The following LRRC61 variants were observed in gnomAD, a reference collection of about 807,000 sequenced individuals.
LRRC61 encodes leucine-rich repeat-containing protein 61.
Under a neutral mutation model 15.1 loss-of-function variants are expected in LRRC61, and 9 were observed. That is an observed-to-expected ratio of 0.60 (90% confidence interval 0.36 to 1.04). The LOEUF is 1.04. Ranked by LOEUF, LRRC61 falls within the 50% of genes least tolerant of loss-of-function variation. The probability of loss-of-function intolerance (pLI) is 0.01; values close to 1 mark genes in which losing one functional copy is unlikely to be tolerated. For synonymous variants in LRRC61, 173 were observed against 158.6 expected (o/e 1.09, Z -0.68); for missense variants, 344 against 335.6 (o/e 1.03, Z -0.20).
intron 2 of LRRC61, chr7:150,331,020 G>C: frequency 6.2e-7 from 1 of 1,611,660 alleles, no homozygotes; most frequent in Non-Finnish European, 8.5e-7. Context: ...GAATGAGACC[G>C]TTGGAGCCCA....
intron 2 of LRRC61, among the ~76,000 whole-genome samples, chr7:150,327,550 G>C (rs1236765464): frequency 6.6e-6 from 1 of 152,196 alleles, no homozygotes; most frequent in Non-Finnish European, 1.5e-5. Flanking sequence ...CGGGCGTGGT[G>C]ACTCACACCT....
At chr7:150,317,718 AT>A in the LRRC61 span, among the ~76,000 whole-genome samples, 2 of 152,218 alleles carry the variant, frequency 1.3e-5, no homozygotes, top group Non-Finnish European at 2.9e-5. Flanking sequence ...AGGTGGATAT[AT>A]CTGATCATGC....
At chr7:150,321,242 G>A (rs1361317185), upstream of LRRC61, among the ~76,000 whole-genome samples, 2 of 152,168 alleles carry the variant, frequency 1.3e-5, no homozygotes, top group Admixed American at 6.5e-5. Flanking sequence ...TTGATGTTAA[G>A]CCTGATTTTT....
chr7:150,315,593 G>A, the LRRC61 span, among the ~76,000 whole-genome samples: 14 of 152,118 alleles, frequency 9.2e-5, no homozygotes, highest in African/African-American at 3.4e-4. Context: ...GAATAGGAAG[G>A]ACATTCCTAT....
intron 1 of LRRC61, among the ~76,000 whole-genome samples, chr7:150,324,140 C>T (rs1239560688): frequency 6.6e-6 from 1 of 152,204 alleles, no homozygotes; most frequent in Non-Finnish European, 1.5e-5. Context: ...CCCTTTCTCT[C>T]ACCACCTTTC....
intron 2 of LRRC61, chr7:150,331,367 G>A (rs1798104728): frequency 2.3e-6 from 1 of 439,356 alleles, no homozygotes. Context: ...GAGAGCCCCT[G>A]CCTGTAATAG....
At chr7:150,315,602 A>G in the LRRC61 span, among the ~76,000 whole-genome samples, 2 of 152,250 alleles carry the variant, frequency 1.3e-5, no homozygotes, top group Admixed American at 6.5e-5. Context: ...GGACATTCCT[A>G]TGAAATAAAA....
chr7:150,309,655 G>A, the LRRC61 span, among the ~76,000 whole-genome samples: 1 of 152,190 alleles, frequency 6.6e-6, no homozygotes, highest in Admixed American at 6.5e-5. Context: ...ACTAGACCAA[G>A]AAATGCCCAC....
At chr7:150,309,834 C>G in the LRRC61 span, among the ~76,000 whole-genome samples, 3 of 152,154 alleles carry the variant, frequency 2.0e-5, no homozygotes, top group African/African-American at 2.4e-5. Flanking sequence ...TGATGCTGCC[C>G]GATCACCTGG....
chr7:150,323,418 C>T lies in LRRC61; in HGVS notation c.-457C>T, dbSNP rs1563220529. ...AACAAGTTGGGTGGTGGGCACGCGG[C>T]CCAGGGGTCAGGGGCCGCCAGGCGG... On this transcript the variant is annotated 5_prime_UTR_variant, in exon 1 of 3. Coordinates refer to ENST00000359623, the MANE Select transcript of LRRC61 (RefSeq NM_001142928.2). 3.0e-6 allele frequency: 1 copy of T among 328,898 alleles called. No homozygotes were observed. Among genetic ancestry groups the T allele is most frequent in the South Asian group, 2.2e-5 (1 of 45,128 alleles). The allele number at this position is 328,898 out of a possible 1,614,324, so 20.4% of individuals were successfully genotyped here.
chr7:150,336,094 T>C (rs995914756), intron 2 of LRRC61, among the ~76,000 whole-genome samples: 8 of 152,234 alleles, frequency 5.3e-5, no homozygotes, highest in African/African-American at 1.9e-4. Flanking sequence ...CAGCCTTCCC[T>C]GTCCCTTCAC....
chr7:150,333,160 C>T lies in LRRC61; in HGVS notation c.-144-3558C>T, dbSNP rs1798167977. Among the ~76,000 whole-genome samples the T allele has an allele frequency of 6.6e-6, 1 of 152,104 alleles. No homozygotes were observed. Among genetic ancestry groups the T allele is most frequent in the Admixed American group, 6.5e-5 (1 of 15,278 alleles). On this transcript the variant is annotated intron_variant, in intron 2 of 2. Coordinates refer to ENST00000359623, the MANE Select transcript of LRRC61 (RefSeq NM_001142928.2). This position sits in a 1 kb window ranked among gnomAD's most constrained non-coding sequence, Gnocchi z 4.3. ...GGCCTAGAATGGTGAGGCAGCGAGGCTCGGGAGAAGAACGTGAGAAGATTG... is the reference window on the plus strand; with the variant it reads ...GGCCTAGAATGGTGAGGCAGCGAGGTTCGGGAGAAGAACGTGAGAAGATTG...
At position 150,331,063 on chromosome 7, in the gene LRRC61, G is replaced by A. The variant is rs528803382; in HGVS notation, c.-145+5053G>A. The stretch of plus-strand genomic sequence containing the variant: ...CCCCTGGCTTACTGGGAGAAGAAGC[G>A]AGAAGCCTGGCCACCATCTATCTGT... On this transcript the variant is annotated intron_variant, in intron 2 of 2. Transcript: ENST00000359623. 6 of 1,612,622 alleles carry A rather than the reference G, an allele frequency of 3.7e-6. No homozygotes were observed. The Admixed American group carries it at 5.0e-5, about 13-fold the overall frequency.
At chr7:150,312,300 G>A in the LRRC61 span, among the ~76,000 whole-genome samples, 1 of 152,252 alleles carries the variant, frequency 6.6e-6, no homozygotes, top group South Asian at 2.1e-4. Flanking sequence ...TAATCCAGGA[G>A]ACAAAGATTA....
chr7:150,331,304 G>T (rs1460586092), intron 2 of LRRC61: 3 of 585,272 alleles, frequency 5.1e-6, no homozygotes, highest in Admixed American at 3.3e-5. Context: ...TCCGCTCAGG[G>T]TGGGATGGCA....
rs1378959024 is a variant in LRRC61, at chr7:150,337,056, C to A, written c.195C>A (p.Leu65=). 5.0e-6 allele frequency: 8 copies of A among 1,613,312 alleles called. No individual in the cohort carries two copies. Among genetic ancestry groups the A allele is most frequent in the Middle Eastern group, 1.6e-4 (1 of 6,062 alleles). The change falls in exon 3 of 3, where the codon CTC becomes CTA. Residue 65 remains leucine (L), a synonymous_variant. Coordinates refer to ENST00000359623, the MANE Select transcript of LRRC61 (RefSeq NM_001142928.2). ...GGCTGGACCTATCAGGCAACGCGCT[C>A]ACCCACCTGGGCCCGCTGGCCTCCT... ...LEWLDLSGNA[L]THLGPLASLR... is the part of the protein sequence containing the mutation.
At chr7:150,325,024 G>C (rs915242008) in intron 1 of LRRC61, among the ~76,000 whole-genome samples, 12 of 152,176 alleles carry the variant, frequency 7.9e-5, no homozygotes, top group Non-Finnish European at 1.6e-4. Context: ...TGTATTGTCA[G>C]CATTACCTGG....
chr7:150,334,666 GTGTAGCTGGA>G (rs1442416121), intron 2 of LRRC61, among the ~76,000 whole-genome samples: 1 of 152,218 alleles, frequency 6.6e-6, no homozygotes, highest in Non-Finnish European at 1.5e-5. Flanking sequence ...GCTGAGTGCT[GTGTAGCTGGA>G]TGTCTTCTTG....
chr7:150,330,925 G>T lies in LRRC61; in HGVS notation c.-145+4915G>T. 6.2e-7 allele frequency: 1 copy of T among 1,612,824 alleles called. No individual in the cohort carries two copies. On this transcript the variant is annotated intron_variant, in intron 2 of 2. Transcript: ENST00000359623. This position sits in a 1 kb window ranked among gnomAD's most constrained non-coding sequence, Gnocchi z 4.6. ...GAGAAGGGCTTGCTGGAGAGCATGG[G>T]GCTGCTGGCCTCTGAGAGAAGCGGG...
Sources: gnomAD v4.1 joint callset for allele counts (sites outside exome capture counted in the v4.1 genomes callset) on GRCh38, gnomAD v4.1.1 for gene constraint, Gnocchi (gnomAD v3.1) non-coding constraint, MANE v1.5 for transcripts, NCBI Gene and HGNC (gene_info 2026-07-23, HGNC 2026-07-21) for gene names.